ABCG5: variants seen among roughly 807,000 people sequenced by gnomAD.
ABCG5 encodes the protein ATP-binding cassette sub-family G member 5.
In ABCG5, 64 loss-of-function variants were observed where a neutral mutation model predicts 64.5. The observed-to-expected ratio is 0.99, with a 90% CI of 0.81 to 1.22. The LOEUF is 1.22. Among genes scored for constraint, ABCG5 ranks in the 50% most tolerant of loss-of-function variants. The pLI is 0.00. For missense variants in ABCG5, 908 were observed against 829.5 expected, an observed-to-expected ratio of 1.09 and a Z score of -1.16; for synonymous variants, 385 against 326.3, an observed-to-expected ratio of 1.18 and a Z score of -1.94.
rs1420189622 is a variant in ABCG5 at position 43,812,693 on chromosome 2, C to G, written c.*423G>C. On this transcript the variant is annotated 3_prime_UTR_variant, in exon 13 of 13. Transcript: ENST00000405322. ...GATAACCTTGCTTCATCTAAACCCA[C>G]AACTCTCTTTCTCTGTCACTTATGG... is the stretch of plus-strand genomic sequence containing the variant. 9.9e-6 allele frequency: 2 copies of G among 201,496 alleles called. No individual in the cohort carries two copies. The highest frequency in any genetic ancestry group is 4.7e-5 in the African/African-American group (2 of 42,122). The allele number at this position is 201,496 out of a possible 1,614,324, so 12.5% of individuals were successfully genotyped here.
rs539738653 is a variant in ABCG5 at position 43,821,431 on chromosome 2, A to C, written c.1464-1331T>G. Among the ~76,000 whole-genome samples, 4 of 152,270 alleles carry C rather than the reference A, an allele frequency of 2.6e-5. No homozygotes were observed. The South Asian group carries it at 8.3e-4, about 32-fold the overall frequency. ...GCATCACTCACCATGTCTTGGACTT[A>C]AATATTACTCAAAATGGTTTCGCTC... On this transcript the variant is annotated intron_variant, in intron 10 of 12. Coordinates refer to ENST00000405322, the MANE Select transcript of ABCG5 (RefSeq NM_022436.3).
In ABCG5 at chr2:43,827,980, T is replaced by A; in HGVS notation, c.634+3A>T. 1 of 1,613,888 alleles carries A rather than the reference T, an allele frequency of 6.2e-7. No individual in the cohort carries two copies. The highest frequency in any genetic ancestry group is 8.5e-7 in the Non-Finnish European group (1 of 1,179,978). On this transcript the variant is annotated splice_donor_region_variant and intron_variant, in intron 5 of 12. Coordinates refer to ENST00000405322, the MANE Select transcript of ABCG5 (RefSeq NM_022436.3). ...GCTAGTAACAGTTCTGGGTGCCACT[T>A]ACTAGGATCCTGGAGCAGCTGGGCT...
Position 43,838,787 on chromosome 2 carries a change from C to G in ABCG5, c.-108G>C. The G allele has an allele frequency of 1.3e-6, 2 of 1,553,060 alleles. No homozygotes were observed. The highest frequency in any genetic ancestry group is 1.7e-6 in the Non-Finnish European group (2 of 1,148,560). ...ACTGCCCTGCCTGCTCCACCTGACC[C>G]CGGAGTCCCTTGGGACAGCAGGACT... On this transcript the variant is annotated 5_prime_UTR_variant, in exon 1 of 13. Coordinates refer to ENST00000405322, the MANE Select transcript of ABCG5 (RefSeq NM_022436.3). This position sits in a 1 kb window ranked among gnomAD's most constrained non-coding sequence, Gnocchi z 4.2.
intron 9 of ABCG5, 114 bp downstream of exon 9, chr2:43,823,799 G>T: frequency 1.6e-6 from 2 of 1,236,720 alleles, no homozygotes. Context: ...CCTGGAGAGG[G>T]CTGGGTTTAG....
chr2:43,828,095 C>G lies in ABCG5; in HGVS notation c.522G>C (p.Glu174Asp). 6.2e-7 allele frequency: 1 copy of G among 1,614,078 alleles called. No individual in the cohort carries two copies. The highest frequency in any genetic ancestry group is 8.5e-7 in the Non-Finnish European group (1 of 1,180,032). Residue 174 changes from glutamate (E) to aspartate (D), a missense_variant, in exon 5 of 13, where the codon GAG becomes GAC. Glu to Asp is a conservative substitution (Grantham distance 45, BLOSUM62 2). Coordinates refer to ENST00000405322, the MANE Select transcript of ABCG5 (RefSeq NM_022436.3). ...GGTCTGCCACATGGCTCAGACTCAG[C>G]TCTGCCATGACGGCCTCCACCTGCA... ...FQKKVEAVMAELSLSHVADRL... is the reference protein window; with the variant it reads ...FQKKVEAVMADLSLSHVADRL...
intron 4 of ABCG5, 114 bp from the exon 5 acceptor site, chr2:43,828,229 C>T (rs543306637): frequency 3.5e-6 from 5 of 1,425,756 alleles, no homozygotes; most frequent in Admixed American, 3.7e-5. Flanking sequence ...CCAAGGGCCA[C>T]TTCCAGACTC....
intron 9 of ABCG5, among the ~76,000 whole-genome samples, chr2:43,823,309 T>C (rs992852139): frequency 2.4e-5 from 2 of 84,816 alleles, no homozygotes; most frequent in Non-Finnish European, 4.3e-5. Context: ...GCAGCCTGCA[T>C]TTTAGACTTG....
intron 4 of ABCG5, among the ~76,000 whole-genome samples, chr2:43,829,717 A>G (rs4148179): frequency 0.45 from 68,632 of 151,980 alleles, 16,392 homozygotes; most frequent in East Asian, 0.82. Flanking sequence ...ATATGGTAAT[A>G]AGTTTTGTTT....
chr2:43,821,602 T>C (rs974281203), intron 10 of ABCG5, among the ~76,000 whole-genome samples: 3 of 152,124 alleles, frequency 2.0e-5, no homozygotes, highest in African/African-American at 7.2e-5. Context: ...TATTCTCCCT[T>C]AAGCAATGGA....
At chr2:43,817,881 G>T (rs904477300) in intron 11 of ABCG5, among the ~76,000 whole-genome samples, 2 of 152,134 alleles carry the variant, frequency 1.3e-5, no homozygotes, top group African/African-American at 4.8e-5. Flanking sequence ...CTGCATTCCA[G>T]CCTGGGTGAC....
chr2:43,822,435 G>A, intron 10 of ABCG5: 1 of 832,062 alleles, frequency 1.2e-6, no homozygotes, highest in Non-Finnish European at 1.4e-6. Context: ...GAATGTGTCT[G>A]TTTTAAGGTT....
In ABCG5 at chr2:43,813,172, G is replaced by T; in HGVS notation, c.1900C>A (p.Leu634Ile). ...AAAACAACTATTCCTAGGATGACAA[G>T]AGCTGGAATAAATGAATACAAAATC... ...FLILYSFIPA[L>I]VILGIVVFKI... is the part of the protein sequence containing the mutation. Residue 634 changes from leucine (L) to isoleucine (I), a missense_variant, in exon 13 of 13, where the codon CTT becomes ATT. Transcript: ENST00000405322. The T allele has an allele frequency of 6.6e-7, 1 of 1,506,214 alleles. No homozygotes were observed. The highest frequency in any genetic ancestry group is 9.2e-7 in the Non-Finnish European group (1 of 1,081,982). The allele number at this position is 1,506,214 out of a possible 1,614,324, so 93.3% of individuals were successfully genotyped here.
intron 11 of ABCG5, among the ~76,000 whole-genome samples, chr2:43,819,011 A>G (rs1667023794): frequency 6.6e-6 from 1 of 152,190 alleles, no homozygotes; most frequent in Admixed American, 6.5e-5. Context: ...GACTTGAGCA[A>G]AGTCAAGTCT....
At position 43,813,337 on chromosome 2, in the gene ABCG5, G is replaced by C. The variant is rs758427977; in HGVS notation, c.1763-28C>G. ...GTCAAGGAAAAGATTGACAGTGTCA[G>C]GTGTGGTTTATCTCAGGTAATTTAA... On this transcript the variant is annotated intron_variant, in intron 12 of 12. Transcript: ENST00000405322. The C allele has an allele frequency of 3.3e-6, 5 of 1,527,134 alleles. No individual in the cohort carries two copies. In the East Asian group the frequency reaches 9.0e-5, roughly 27 times the overall value. The allele number at this position is 1,527,134 out of a possible 1,614,324, so 94.6% of individuals were successfully genotyped here.
At chr2:43,837,728 T>C in intron 2 of ABCG5, 106 bp downstream of exon 2, 1 of 1,465,466 alleles carries the variant, frequency 6.8e-7, no homozygotes, top group South Asian at 1.1e-5. Context: ...ATAGAATTCA[T>C]TCTAATATCA....
At chr2:43,816,089 G>A (rs763334546) in intron 11 of ABCG5, among the ~76,000 whole-genome samples, 8 of 152,066 alleles carry the variant, frequency 5.3e-5, no homozygotes, top group Non-Finnish European at 1.0e-4. Flanking sequence ...AACACAAAAT[G>A]TTCCACATGC....
downstream of ABCG5, chr2:43,809,656 G>A: frequency 7.1e-7 from 1 of 1,403,610 alleles, no homozygotes; most frequent in South Asian, 1.2e-5. Context: ...GTGCCTCCTT[G>A]AATTAGTAAA....
intron 10 of ABCG5, among the ~76,000 whole-genome samples, chr2:43,821,377 C>G (rs777212015): frequency 3.9e-5 from 6 of 152,196 alleles, no homozygotes; most frequent in Non-Finnish European, 5.9e-5. Context: ...TAGCGAATCT[C>G]AATTCCAATG....
rs907551949 is a variant in ABCG5 at position 43,823,950 on chromosome 2, G to A, written c.1287C>T (p.Ala429=). Residue 429 remains alanine, a synonymous_variant, in exon 9 of 13, where the codon GCC becomes GCT. Transcript: ENST00000405322. ...CGTTCAGCATGCCTGTGTACGGGGTGGCGCCCACAAACTGGTAAAGGAGAC... is the reference window on the plus strand; with the variant it reads ...CGTTCAGCATGCCTGTGTACGGGGTAGCGCCCACAAACTGGTAAAGGAGAC... ...RVGLLYQFVG[A]TPYTGMLNAV... is the part of the protein sequence containing the mutation. 3.7e-6 allele frequency: 6 copies of A among 1,614,048 alleles called. No homozygotes were observed. The highest frequency in any genetic ancestry group is 5.1e-6 in the Non-Finnish European group (6 of 1,180,048).
Sources: allele counts gnomAD v4.1 joint callset (sites outside exome capture counted in the v4.1 genomes callset), GRCh38; gene constraint gnomAD v4.1.1; non-coding constraint Gnocchi (gnomAD v3.1); transcripts MANE v1.5; gene names NCBI Gene and HGNC (gene_info 2026-07-23, HGNC 2026-07-21).